Variants in TGFA observed in about 807,000 individuals in gnomAD.
TGFA encodes protransforming growth factor alpha.
In TGFA, 12 loss-of-function variants were observed where a neutral mutation model predicts 21.7. The observed-to-expected ratio is 0.55, with a 90% CI of 0.35 to 0.90. The LOEUF is 0.90. Ranked by LOEUF, TGFA falls within the 40% of genes least tolerant of loss-of-function variation. TGFA has a pLI of 0.01. For missense variants in TGFA, 178 were observed against 210.8 expected (o/e 0.84, Z 0.96); for synonymous variants, 79 against 88.1 (o/e 0.90, Z 0.58).
rs1056293600 is a variant in TGFA, at chr2:70,458,893, G to A, written c.216-2405C>T. 5.3e-5 allele frequency among the ~76,000 whole-genome samples: 8 copies of A among 152,142 alleles called. No individual in the cohort carries two copies. In the South Asian group the frequency reaches 8.3e-4, roughly 16 times the overall value. ...AGGGCTTAGCTCTACAGAAACCTCC[G>A]GTGAACCACTGAACAGAATGGGGCC... On this transcript the variant is annotated intron_variant, in intron 3 of 5. Coordinates refer to ENST00000295400, the MANE Select transcript of TGFA (RefSeq NM_003236.4).
At chr2:70,459,051 G>T (rs1574069445) in intron 3 of TGFA, among the ~76,000 whole-genome samples, 1 of 152,218 alleles carries the variant, frequency 6.6e-6, no homozygotes, top group East Asian at 1.9e-4. Flanking sequence ...CCATAATGAG[G>T]ATTTGCAGAG....
At chr2:70,553,415 G>T in intron 1 of TGFA, 1 of 1,434,116 alleles carries the variant, frequency 7.0e-7, no homozygotes, top group Non-Finnish European at 9.1e-7. Context: ...GTGTAGGCAT[G>T]TGTCTGAGCA....
intron 1 of TGFA, among the ~76,000 whole-genome samples, chr2:70,543,434 G>C (rs530036195): frequency 1.3e-5 from 2 of 151,440 alleles, no homozygotes; most frequent in South Asian, 2.1e-4. Flanking sequence ...GCTGAGGCAC[G>C]AGAATTGCTT....
At chr2:70,533,106 C>A (rs1672865045) in intron 1 of TGFA, among the ~76,000 whole-genome samples, 1 of 152,112 alleles carries the variant, frequency 6.6e-6, no homozygotes, top group Non-Finnish European at 1.5e-5. Flanking sequence ...AAGTGATCCG[C>A]CCATCTCAGC....
intron 1 of TGFA, among the ~76,000 whole-genome samples, chr2:70,541,607 T>G (rs1262416399): frequency 6.6e-6 from 1 of 152,106 alleles, no homozygotes; most frequent in Non-Finnish European, 1.5e-5. Flanking sequence ...CACAGGGAGA[T>G]GGCAGCAGAG....
intron 2 of TGFA, among the ~76,000 whole-genome samples, chr2:70,496,289 C>T (rs1671576721): frequency 6.6e-6 from 1 of 152,000 alleles, no homozygotes; most frequent in Non-Finnish European, 1.5e-5. Flanking sequence ...GTAATCTTCA[C>T]ACTCAAGGCA....
chr2:70,512,973 A>T (rs1672151644), intron 2 of TGFA, among the ~76,000 whole-genome samples: 1 of 152,126 alleles, frequency 6.6e-6, no homozygotes, highest in Non-Finnish European at 1.5e-5. Context: ...GAAACTAGGG[A>T]TAGAGGCCTG....
intron 1 of TGFA, among the ~76,000 whole-genome samples, chr2:70,537,162 G>T (rs1672997949): frequency 6.6e-6 from 1 of 151,936 alleles, no homozygotes; most frequent in Non-Finnish European, 1.5e-5. Context: ...TATTGTAATT[G>T]TTTCGGGGTG....
intron 2 of TGFA, among the ~76,000 whole-genome samples, chr2:70,473,666 A>G (rs1670825542): frequency 8.4e-6 from 1 of 119,024 alleles, no homozygotes; most frequent in African/African-American, 3.4e-5. Flanking sequence ...GGGGAATTCA[A>G]TTTTGCTGTC....
intron 1 of TGFA, 174 bp downstream of exon 1, chr2:70,553,552 CCT>C (rs1284951593): frequency 5.2e-6 from 7 of 1,352,676 alleles, no homozygotes; most frequent in Non-Finnish European, 6.6e-6. Context: ...CGGACAGTCC[CCT>C]CTTTGTCATT....
intron 1 of TGFA, among the ~76,000 whole-genome samples, chr2:70,537,112 T>C (rs1479739641): frequency 6.7e-6 from 1 of 148,648 alleles, no homozygotes; most frequent in Non-Finnish European, 1.5e-5. Context: ...TATTATAATA[T>C]CTGTTATGGT....
At chr2:70,516,178 C>T (rs147074346) in intron 1 of TGFA, among the ~76,000 whole-genome samples, 12 of 152,324 alleles carry the variant, frequency 7.9e-5, no homozygotes, top group African/African-American at 2.2e-4. Context: ...AAAAAGATGC[C>T]ACAGTTGCTG....
intron 2 of TGFA, among the ~76,000 whole-genome samples, chr2:70,467,103 A>G (rs1553492436): frequency 6.6e-6 from 1 of 152,104 alleles, no homozygotes; most frequent in Non-Finnish European, 1.5e-5. Flanking sequence ...CTTAATACCT[A>G]GGTGATGGAT....
chr2:70,536,124 A>G (rs1390398739), intron 1 of TGFA, among the ~76,000 whole-genome samples: 1 of 152,242 alleles, frequency 6.6e-6, no homozygotes, highest in Non-Finnish European at 1.5e-5. Flanking sequence ...ACATGAGCAT[A>G]AAGAGTTTAT....
chr2:70,553,413 A>G, intron 1 of TGFA: 1 of 1,441,590 alleles, frequency 6.9e-7, no homozygotes, highest in Non-Finnish European at 9.0e-7. Flanking sequence ...AGGTGTAGGC[A>G]TGTGTCTGAG....
intron 1 of TGFA, among the ~76,000 whole-genome samples, chr2:70,544,309 AT>A (rs1183313955): frequency 6.6e-6 from 1 of 151,598 alleles, no homozygotes; most frequent in Non-Finnish European, 1.5e-5. Flanking sequence ...TAATAATTTA[AT>A]ATTTAATAAA....
intron 2 of TGFA, among the ~76,000 whole-genome samples, chr2:70,501,918 T>A (rs1671749403): frequency 6.6e-6 from 1 of 152,246 alleles, no homozygotes; most frequent in Non-Finnish European, 1.5e-5. Context: ...GAAAAGGGCT[T>A]CTGTGGAGCA....
chr2:70,495,353 C>G (rs554739516), intron 2 of TGFA, among the ~76,000 whole-genome samples: 1 of 152,282 alleles, frequency 6.6e-6, no homozygotes, highest in African/African-American at 2.4e-5. Context: ...TTTGGAGGTA[C>G]AAATCCCTCC....
chr2:70,493,306 C>T (rs782596178), intron 2 of TGFA, among the ~76,000 whole-genome samples: 9 of 152,162 alleles, frequency 5.9e-5, no homozygotes, highest in Non-Finnish European at 1.0e-4. Flanking sequence ...GACAAGTGAC[C>T]GGGGGAACCT....
Sources: allele counts gnomAD v4.1 joint callset (sites outside exome capture counted in the v4.1 genomes callset), GRCh38; gene constraint gnomAD v4.1.1; transcripts MANE v1.5; gene names NCBI Gene and HGNC (gene_info 2026-07-23, HGNC 2026-07-21).